RNF17: variants seen among roughly 807,000 people sequenced by gnomAD.
The protein encoded by RNF17 is ring finger protein 17, also known as spermatogenesis associated 23.
In RNF17, 31 loss-of-function variants were observed where a neutral mutation model predicts 200.5. That is an observed-to-expected ratio of 0.15 (90% CI 0.12 to 0.21). The LOEUF (loss-of-function observed/expected upper bound fraction) is 0.21. Among genes scored for constraint, RNF17 ranks in the 10% least tolerant of loss-of-function variants. RNF17 has a pLI of 1.00. For synonymous variants in RNF17, 606 were observed against 637.8 expected (o/e 0.95, Z 0.75); for missense variants, 1,628 against 1,905.1 (o/e 0.85, Z 2.71).
At chr13:24,790,502 A>G (rs1883708354) in intron 9 of RNF17, among the ~76,000 whole-genome samples, 3 of 152,190 alleles carry the variant, frequency 2.0e-5, no homozygotes, top group Admixed American at 6.6e-5. Flanking sequence ...CCAGTTCCTC[A>G]GTTCCATTAG....
downstream of RNF17, chr13:24,882,776 A>T (rs1953897341): frequency 5.2e-6 from 1 of 191,566 alleles, no homozygotes; most frequent in African/African-American, 2.4e-5. Context: ...CTACAGAGAC[A>T]CGTGTTTACT....
intron 1 of RNF17, 185 bp downstream of exon 1, chr13:24,764,518 G>A (rs1879282796): frequency 2.4e-6 from 1 of 418,552 alleles, no homozygotes; most frequent in African/African-American, 2.2e-5. Context: ...GTTGGTTAAG[G>A]GCAGCACCTG....
intron 30 of RNF17, 92 bp downstream of exon 30, chr13:24,866,295 T>G: frequency 1.5e-6 from 1 of 673,414 alleles, no homozygotes; most frequent in Non-Finnish European, 2.6e-6. Flanking sequence ...TTATAACAGT[T>G]TTATTATTTA....
chr13:24,838,539 T>C (rs1187181767), intron 18 of RNF17, among the ~76,000 whole-genome samples: 1 of 152,026 alleles, frequency 6.6e-6, no homozygotes, highest in Non-Finnish European at 1.5e-5. Flanking sequence ...TGCAAGTCAA[T>C]AAATGTGATA....
the RNF17 span, chr13:24,886,213 G>T: frequency 3.7e-6 from 3 of 816,826 alleles, no homozygotes; most frequent in Non-Finnish European, 5.4e-6. Context: ...TGTGCCAATG[G>T]ATCATATTGT....
At position 24,843,976 on chromosome 13, in the gene RNF17, A is replaced by G; in HGVS notation, c.2831+5A>G. ...AACTGAAAACTTACTTAATAGGTAT[A>G]ATATATATATATAATATATAAGGAA... On this transcript the variant is annotated splice_donor_5th_base_variant and intron_variant, in intron 20 of 35. Coordinates refer to ENST00000255324, the MANE Select transcript of RNF17 (RefSeq NM_031277.3). The G allele has an allele frequency of 1.2e-6, 1 of 828,372 alleles. No individual in the cohort carries two copies. Among genetic ancestry groups the G allele is most frequent in the Non-Finnish European group, 1.8e-6 (1 of 560,590 alleles). The allele number at this position is 828,372 out of a possible 1,614,324, so 51.3% of individuals were successfully genotyped here.
intron 33 of RNF17, 36 bp downstream of exon 33, chr13:24,874,285 C>CT (rs58383812): frequency 2.9e-4 from 436 of 1,489,714 alleles, no homozygotes; most frequent in Non-Finnish European, 3.2e-4. Context: ...AATTAGATTT[C>CT]TTTTTTTTTA....
intron 15 of RNF17, among the ~76,000 whole-genome samples, chr13:24,815,428 G>GGGGTGT (rs1296161698): frequency 6.2e-5 from 9 of 144,100 alleles, no homozygotes; most frequent in African/African-American, 2.1e-4. Flanking sequence ...GCCCTAACGG[G>GGGGTGT]GTGTGTGTGT....
In RNF17 at chr13:24,876,983, T is replaced by G. The variant is rs1894930410; in HGVS notation, c.4584-14T>G. ...CGGAAGAGAATTTTAATGTAAGAAT[T>G]TCTTTTGTGACAGACTGTGCCAAAT... On this transcript the variant is annotated splice_polypyrimidine_tract_variant and intron_variant, in intron 33 of 35. Transcript: ENST00000255324. The G allele has an allele frequency of 6.4e-7, 1 of 1,565,432 alleles. No homozygotes were observed. The highest frequency in any genetic ancestry group is 2.3e-5 in the East Asian group (1 of 43,166).
intron 15 of RNF17, among the ~76,000 whole-genome samples, chr13:24,805,899 T>A (rs994807030): frequency 1.3e-5 from 2 of 152,160 alleles, no homozygotes; most frequent in African/African-American, 4.8e-5. Context: ...TTCTTTTTTT[T>A]ATTATTATAC....
At chr13:24,758,795 G>A in the RNF17 span, among the ~76,000 whole-genome samples, 29 of 152,166 alleles carry the variant, frequency 1.9e-4, no homozygotes, top group African/African-American at 6.7e-4. Context: ...ACTTACCTTC[G>A]GCTGGGCGCG....
intron 6 of RNF17, among the ~76,000 whole-genome samples, chr13:24,786,432 T>G (rs71429901): frequency 0.23 from 34,322 of 152,128 alleles, 4,402 homozygotes; most frequent in East Asian, 0.4. Context: ...AGTAGAATTA[T>G]AAATTAAAAT....
intron 15 of RNF17, among the ~76,000 whole-genome samples, chr13:24,813,348 G>T (rs1886977856): frequency 6.6e-6 from 1 of 151,880 alleles, no homozygotes; most frequent in Non-Finnish European, 1.5e-5. Flanking sequence ...TAGACACAGG[G>T]TCTTGCTAGG....
At chr13:24,831,073 T>G (rs1215631810) in intron 17 of RNF17, among the ~76,000 whole-genome samples, 1 of 152,216 alleles carries the variant, frequency 6.6e-6, no homozygotes, top group Non-Finnish European at 1.5e-5. Flanking sequence ...ATTTATATAC[T>G]GTTGTTTGAG....
chr13:24,854,292 T>G, intron 25 of RNF17, 148 bp downstream of exon 25: 1 of 590,378 alleles, frequency 1.7e-6, no homozygotes, highest in Non-Finnish European at 3.0e-6. Flanking sequence ...GTGCTTTTAA[T>G]AATGCCTAAC....
At chr13:24,789,835 GAC>G in intron 9 of RNF17, 63 bp downstream of exon 9, 1 of 922,176 alleles carries the variant, frequency 1.1e-6, no homozygotes, top group Non-Finnish European at 1.8e-6. Context: ...TTATCTAAGA[GAC>G]AGAAGAATTG....
intron 15 of RNF17, among the ~76,000 whole-genome samples, chr13:24,824,801 A>G (rs573872082): frequency 6.6e-6 from 1 of 152,320 alleles, no homozygotes; most frequent in African/African-American, 2.4e-5. Context: ...CATAAACAGA[A>G]CTATACACAT....
At chr13:24,873,995 T>G in intron 32 of RNF17, 119 bp from the exon 33 acceptor site, 3 of 954,322 alleles carry the variant, frequency 3.1e-6, no homozygotes, top group Non-Finnish European at 4.7e-6. Context: ...TCTTGGCTAT[T>G]GTGAATAGTG....
At chr13:24,758,044 C>G in the RNF17 span, among the ~76,000 whole-genome samples, 1 of 152,188 alleles carries the variant, frequency 6.6e-6, no homozygotes, top group Middle Eastern at 3.2e-3. Flanking sequence ...CCAGCTTCCC[C>G]TCACTTTCCA....
Sources: gnomAD v4.1 joint callset for allele counts (sites outside exome capture counted in the v4.1 genomes callset) on GRCh38, gnomAD v4.1.1 for gene constraint, MANE v1.5 for transcripts, NCBI Gene and HGNC (gene_info 2026-07-23, HGNC 2026-07-21) for gene names.